Variants in SCN7A observed in about 807,000 individuals in gnomAD.
SCN7A encodes the protein sodium voltage-gated channel alpha subunit 7, also known as sodium channel protein type 7 subunit alpha.
In SCN7A, 138 loss-of-function variants were observed where a neutral mutation model predicts 155.2. The ratio of observed to expected loss-of-function variants is 0.89; its 90% confidence interval spans 0.77 to 1.02. SCN7A has a LOEUF of 1.02. Ranked by LOEUF, SCN7A falls within the 50% of genes least tolerant of loss-of-function variation. The pLI is 0.00. For synonymous variants in SCN7A, 693 were observed against 649.0 expected, an observed-to-expected ratio of 1.07 and a Z score of -1.03; for missense variants, 2,058 against 1,986.6, an observed-to-expected ratio of 1.04 and a Z score of -0.68.
At chr2:166,431,948 T>C (rs898715193) in intron 16 of SCN7A, among the ~76,000 whole-genome samples, 1 of 152,196 alleles carries the variant, frequency 6.6e-6, no homozygotes, top group East Asian at 1.9e-4. Flanking sequence ...TAGAAAACTT[T>C]GGTTTCCTCA....
intron 2 of SCN7A, among the ~76,000 whole-genome samples, chr2:166,482,325 A>G (rs1368040767): frequency 2.0e-5 from 3 of 152,128 alleles, no homozygotes; most frequent in Non-Finnish European, 2.9e-5. Flanking sequence ...ATCAATGAAA[A>G]TGGTTTAAAC....
rs769977412 is a variant in SCN7A, at chr2:166,465,976, G to C, written c.676C>G (p.Leu226Val). The change falls in exon 8 of 26, where the codon CTT becomes GTT. Residue 226 changes from leucine (L) to valine (V), a missense_variant. By Grantham distance (32) the Leu-to-Val change is conservative. Coordinates refer to ENST00000643258, the MANE Select transcript of SCN7A (RefSeq NM_002976.4). ...AAGCAGTGGATCAGGACCCCTACAA[G>C]GGATTTCAGACCTGGAAAGAGAAAC... The part of the protein sequence containing the change: ...IIPLNQGLKS[L>V]VGVLIHCLKQ... The C allele has an allele frequency of 6.2e-7, 1 of 1,610,164 alleles. No individual in the cohort carries two copies. The highest frequency in any genetic ancestry group is 1.7e-5 in the Admixed American group (1 of 59,404).
chr2:166,463,986 G>A (rs1417147146), intron 9 of SCN7A, among the ~76,000 whole-genome samples: 1 of 151,980 alleles, frequency 6.6e-6, no homozygotes, highest in African/African-American at 2.4e-5. Flanking sequence ...AACCCATGAG[G>A]CAGAGGTTAC....
chr2:166,409,825 A>G lies in SCN7A; in HGVS notation c.3822T>C (p.Val1274=). ...GAGCAATGGACATTTGTAGACTCTGAACATCAGTGTCTATCATCATGGCTA... is the reference window on the plus strand; with the variant it reads ...GAGCAATGGACATTTGTAGACTCTGGACATCAGTGTCTATCATCATGGCTA... ...QAIAMMIDTD[V]QSLQMSIALY... is the part of the protein sequence containing the mutation. The change falls in exon 25 of 26, where the codon GTT becomes GTC. Residue 1274 remains valine, a synonymous_variant. Coordinates refer to ENST00000643258, the MANE Select transcript of SCN7A (RefSeq NM_002976.4). The G allele has an allele frequency of 6.4e-7, 1 of 1,573,306 alleles. No homozygotes were observed. Among genetic ancestry groups the G allele is most frequent in the East Asian group, 2.3e-5 (1 of 43,264 alleles).
rs746229929 is a variant in SCN7A, at chr2:166,470,708, T to G, written c.573-2A>C. 10 of 1,596,914 alleles carry G rather than the reference T, an allele frequency of 6.3e-6. No individual in the cohort carries two copies. The East Asian group carries it at 2.0e-4, about 32-fold the overall frequency. ...AGAGGTGAGTATCTTATAATAACCCTGTGGAATTAAATTAGAGTTACTTAA... is the reference window on the plus strand; with the variant it reads ...AGAGGTGAGTATCTTATAATAACCCGGTGGAATTAAATTAGAGTTACTTAA... On this transcript the variant is annotated splice_acceptor_variant, in intron 6 of 25. Coordinates refer to ENST00000643258, the MANE Select transcript of SCN7A (RefSeq NM_002976.4). LOFTEE classifies it high-confidence loss of function.
intron 10 of SCN7A, among the ~76,000 whole-genome samples, chr2:166,459,862 AAACT>A (rs1702363748): frequency 6.6e-6 from 1 of 151,714 alleles, no homozygotes; most frequent in African/African-American, 2.4e-5. Context: ...CATTCTCAGC[AAACT>A]AACACAAGAA....
At chr2:166,437,826 T>C (rs1355044941) in intron 15 of SCN7A, among the ~76,000 whole-genome samples, 2 of 152,174 alleles carry the variant, frequency 1.3e-5, no homozygotes, top group Non-Finnish European at 2.9e-5. Context: ...TTTTTGTCAG[T>C]GTCTCCCATT....
chr2:166,457,856 C>G (rs966885292), intron 10 of SCN7A, among the ~76,000 whole-genome samples: 5 of 151,668 alleles, frequency 3.3e-5, no homozygotes, highest in Admixed American at 1.3e-4. Flanking sequence ...AGTACATGAA[C>G]AAAATTTAAG....
intron 2 of SCN7A, among the ~76,000 whole-genome samples, chr2:166,484,865 A>T (rs1703010545): frequency 6.6e-6 from 1 of 152,062 alleles, no homozygotes. Context: ...AGACAAAATA[A>T]ATATATTTTC....
At chr2:166,442,840 A>G (rs908201743) in intron 14 of SCN7A, among the ~76,000 whole-genome samples, 3 of 152,210 alleles carry the variant, frequency 2.0e-5, no homozygotes, top group African/African-American at 7.2e-5. Context: ...TCATTAGAAA[A>G]GGTTATGGAT....
At chr2:166,441,182 G>T in intron 15 of SCN7A, 3 of 453,148 alleles carry the variant, frequency 6.6e-6, no homozygotes, top group African/African-American at 2.0e-5. Flanking sequence ...CATTTTTTGT[G>T]TAAGACTTCA....
intron 11 of SCN7A, among the ~76,000 whole-genome samples, chr2:166,450,899 T>C (rs1325833406): frequency 6.6e-6 from 1 of 152,216 alleles, no homozygotes; most frequent in Non-Finnish European, 1.5e-5. Context: ...ATGTAAGTTG[T>C]AATTTATGCA....
rs545722476 is a variant in SCN7A, at chr2:166,485,260, T to G, written c.-15+1596A>C. Reference sequence around the variant, plus strand: ...AACAGAGATTGGAATTAAAATCATCTCAAACACTGGTGGATCTGGTTCTAC... The same window carrying G: ...AACAGAGATTGGAATTAAAATCATCGCAAACACTGGTGGATCTGGTTCTAC... On this transcript the variant is annotated intron_variant, in intron 2 of 25. Transcript: ENST00000643258. 2.3e-4 allele frequency among the ~76,000 whole-genome samples: 35 copies of G among 152,296 alleles called. No homozygotes were observed. In the South Asian group the frequency reaches 7.0e-3, roughly 31 times the overall value.
chr2:166,437,211 G>C (rs1559102979), intron 15 of SCN7A, among the ~76,000 whole-genome samples: 1 of 152,240 alleles, frequency 6.6e-6, no homozygotes, highest in East Asian at 1.9e-4. Flanking sequence ...CTGGTGCCCA[G>C]TGTCCCAGCT....
chr2:166,455,140 C>T (rs1702247827), intron 11 of SCN7A, among the ~76,000 whole-genome samples: 1 of 151,998 alleles, frequency 6.6e-6, no homozygotes, highest in Non-Finnish European at 1.5e-5. Context: ...TAATTTTATC[C>T]ATCCTTTTAG....
At chr2:166,438,906 A>G (rs1467531918) in intron 15 of SCN7A, among the ~76,000 whole-genome samples, 1 of 151,656 alleles carries the variant, frequency 6.6e-6, no homozygotes, top group Non-Finnish European at 1.5e-5. Context: ...GTTTCTGGTT[A>G]GTAGAAACAA....
intron 3 of SCN7A, among the ~76,000 whole-genome samples, chr2:166,475,104 G>A (rs1528482): frequency 0.12 from 10,411 of 85,560 alleles, 603 homozygotes; most frequent in East Asian, 0.25. Flanking sequence ...ACATATATAT[G>A]TATATATATA....
chr2:166,439,665 C>T (rs1302272126), intron 15 of SCN7A, among the ~76,000 whole-genome samples: 1 of 151,920 alleles, frequency 6.6e-6, no homozygotes, highest in Non-Finnish European at 1.5e-5. Flanking sequence ...TGTTTTTTAT[C>T]ACTGGGAATG....
In SCN7A at chr2:166,448,163, T is replaced by C. The variant is rs564922542; in HGVS notation, c.1291-455A>G. Among the ~76,000 whole-genome samples the C allele has an allele frequency of 1.2e-4, 19 of 152,254 alleles. No homozygotes were observed. The South Asian group carries it at 3.9e-3, about 32-fold the overall frequency. ...TAACCACCAATAAACTATCTACTTT[T>C]ATGAGATCCACATTTTTAGCTCCCA... On this transcript the variant is annotated intron_variant, in intron 11 of 25. Transcript: ENST00000643258.
Sources: gnomAD v4.1 joint callset for allele counts (sites outside exome capture counted in the v4.1 genomes callset) on GRCh38, gnomAD v4.1.1 for gene constraint, MANE v1.5 for transcripts, NCBI Gene and HGNC (gene_info 2026-07-23, HGNC 2026-07-21) for gene names.